ANK3: variants seen among roughly 807,000 people sequenced by gnomAD.
ANK3 encodes the protein ankyrin-3.
A neutral mutation model predicts 370.9 loss-of-function variants in ANK3; 57 were observed. That is an observed-to-expected ratio of 0.15 (90% confidence interval 0.12 to 0.19). ANK3 has a LOEUF of 0.19. Among genes scored for constraint, ANK3 ranks in the 10% least tolerant of loss-of-function variants. The pLI is 1.00. For missense variants in ANK3, 4,439 were observed against 5,302.1 expected (o/e 0.84, Z 5.06); for synonymous variants, 1,929 against 1,946.3 (o/e 0.99, Z 0.23).
At chr10:60,153,292 T>G (rs901732072) in intron 23 of ANK3, among the ~76,000 whole-genome samples, 1 of 152,296 alleles carries the variant, frequency 6.6e-6, no homozygotes, top group African/African-American at 2.4e-5. Flanking sequence ...CTGAGTCTAC[T>G]GGGTAAGAGA....
intron 23 of ANK3, among the ~76,000 whole-genome samples, chr10:60,152,134 A>C (rs1272391548): frequency 6.6e-6 from 1 of 152,172 alleles, no homozygotes; most frequent in Non-Finnish European, 1.5e-5. Flanking sequence ...AGATGTATAC[A>C]CCCTAAGACC....
chr10:60,415,692 G>A (rs1040575016), intron 2 of ANK3, among the ~76,000 whole-genome samples: 3 of 151,994 alleles, frequency 2.0e-5, no homozygotes, highest in Non-Finnish European at 4.4e-5. Context: ...TATTTTTTGT[G>A]ACCAAAAGTG....
chr10:60,355,669 A>G (rs1246342835), intron 1 of ANK3, among the ~76,000 whole-genome samples: 4 of 152,176 alleles, frequency 2.6e-5, no homozygotes, highest in Admixed American at 2.0e-4. Context: ...GCTCACCTCC[A>G]CGGTCATAGT....
chr10:60,690,537 T>C (rs937115024), intron 1 of ANK3, among the ~76,000 whole-genome samples: 1 of 152,046 alleles, frequency 6.6e-6, no homozygotes, highest in Non-Finnish European at 1.5e-5. Context: ...TAAAACTTAA[T>C]ACTTAATACT....
intron 1 of ANK3, among the ~76,000 whole-genome samples, chr10:60,367,518 CA>C (rs1343972395): frequency 6.6e-6 from 1 of 152,190 alleles, no homozygotes; most frequent in Admixed American, 6.5e-5. Context: ...CCTTGGTTGG[CA>C]ATTTCCCATT....
At chr10:60,424,901 T>C (rs1429544106) in intron 2 of ANK3, among the ~76,000 whole-genome samples, 1 of 152,064 alleles carries the variant, frequency 6.6e-6, no homozygotes, top group African/African-American at 2.4e-5. Flanking sequence ...ATCAATTTCT[T>C]CTTTCAATTG....
chr10:60,435,448 T>C (rs897592062), intron 2 of ANK3, among the ~76,000 whole-genome samples: 1 of 152,234 alleles, frequency 6.6e-6, no homozygotes, highest in African/African-American at 2.4e-5. Flanking sequence ...CTAATCACCA[T>C]ATAGACCTTT....
intron 2 of ANK3, among the ~76,000 whole-genome samples, chr10:60,523,300 T>C (rs145241596): frequency 1.1e-4 from 16 of 152,086 alleles, no homozygotes; most frequent in African/African-American, 3.9e-4. Context: ...GCAGGTTAGT[T>C]ACATAGGTAT....
At chr10:60,261,331 C>A (rs1293304149) in intron 7 of ANK3, among the ~76,000 whole-genome samples, 1 of 152,164 alleles carries the variant, frequency 6.6e-6, no homozygotes, top group African/African-American at 2.4e-5. Context: ...CATTGTAATT[C>A]CTTTCTTCAA....
In ANK3 at chr10:60,072,855, T is replaced by C; in HGVS notation, c.8026A>G (p.Met2676Val). ...TCCTCAGTCTGTTGGGAGAGAACCATCTTCTCTGGGCTGCTGGGCAGACTG... is the reference window on the plus strand; with the variant it reads ...TCCTCAGTCTGTTGGGAGAGAACCACCTTCTCTGGGCTGCTGGGCAGACTG... ...APSLPSSPEK[M>V]VLSQQTEDSK... Residue 2676 changes from methionine (M) to valine (V), a missense_variant, in exon 37 of 44, where the codon ATG becomes GTG. Met to Val is a conservative substitution (Grantham distance 21, BLOSUM62 1). Transcript: ENST00000280772. 1.9e-6 allele frequency: 3 copies of C among 1,614,092 alleles called. No homozygotes were observed. The highest frequency in any genetic ancestry group is 2.5e-6 in the Non-Finnish European group (3 of 1,179,996).
At chr10:60,717,441 T>C (rs2079806373) in intron 1 of ANK3, among the ~76,000 whole-genome samples, 2 of 152,186 alleles carry the variant, frequency 1.3e-5, no homozygotes, top group Admixed American at 1.3e-4. Context: ...GAGCAGCCTG[T>C]CTCTTTGAGT....
At chr10:60,201,822 G>A (rs1046485149) in intron 12 of ANK3, among the ~76,000 whole-genome samples, 10 of 149,810 alleles carry the variant, frequency 6.7e-5, no homozygotes, top group South Asian at 2.1e-4. Context: ...AGTGATTCTC[G>A]TGCCTCAGCC....
At chr10:60,043,033 C>T (rs2076386407) in intron 42 of ANK3, 2 of 1,196,282 alleles carry the variant, frequency 1.7e-6, no homozygotes, top group South Asian at 5.3e-5. Context: ...GCAGCCTATC[C>T]ATTTCCTATA....
At chr10:60,308,638 A>C (rs2045711092) in intron 1 of ANK3, among the ~76,000 whole-genome samples, 2 of 151,982 alleles carry the variant, frequency 1.3e-5, no homozygotes, top group African/African-American at 4.8e-5. Context: ...AGGCTGAGGG[A>C]GGGGAGGAGG....
chr10:60,393,145 G>C (rs1567001458), upstream of ANK3, among the ~76,000 whole-genome samples: 1 of 152,148 alleles, frequency 6.6e-6, no homozygotes, highest in Non-Finnish European at 1.5e-5. Context: ...AAGTCCTACA[G>C]GAAAGGTACT....
intron 7 of ANK3, among the ~76,000 whole-genome samples, chr10:60,235,892 A>C (rs1317202351): frequency 6.6e-6 from 1 of 152,210 alleles, no homozygotes; most frequent in East Asian, 1.9e-4. Flanking sequence ...ACTTCATTTA[A>C]TTCTCACAAT....
At chr10:60,101,459 A>T (rs899922030) in intron 28 of ANK3, among the ~76,000 whole-genome samples, 1 of 152,200 alleles carries the variant, frequency 6.6e-6, no homozygotes, top group Non-Finnish European at 1.5e-5. Context: ...AAACTTAAAA[A>T]GTTAATTCAG....
At chr10:60,626,366 AC>A (rs2078410453) in intron 1 of ANK3, among the ~76,000 whole-genome samples, 2 of 152,162 alleles carry the variant, frequency 1.3e-5, no homozygotes, top group African/African-American at 2.4e-5. Context: ...TCTAATAACA[AC>A]TATAATTTTT....
intron 1 of ANK3, among the ~76,000 whole-genome samples, chr10:60,342,121 T>C (rs1353876469): frequency 2.0e-5 from 3 of 152,200 alleles, no homozygotes; most frequent in Admixed American, 2.0e-4. Flanking sequence ...GCCTAGACTT[T>C]GCAGTATGCT....
Sources: allele counts gnomAD v4.1 joint callset (sites outside exome capture counted in the v4.1 genomes callset), GRCh38; gene constraint gnomAD v4.1.1; transcripts MANE v1.5; gene names NCBI Gene and HGNC (gene_info 2026-07-23, HGNC 2026-07-21).